The following FYB1 variants were observed in gnomAD, a reference collection of about 807,000 sequenced individuals.
FYB1 encodes FYN binding protein 1.
Under a neutral mutation model 94.1 loss-of-function variants are expected in FYB1, and 41 were observed. The observed-to-expected ratio is 0.44, with a 90% CI of 0.34 to 0.57. FYB1 has a LOEUF of 0.57. Ranked by LOEUF, FYB1 falls within the 20% of genes least tolerant of loss-of-function variation. The pLI, the probability that FYB1 is intolerant of heterozygous loss-of-function variation, is 0.02. For synonymous variants in FYB1, 367 were observed against 353.2 expected, an observed-to-expected ratio of 1.04 and a Z score of -0.44; for missense variants, 1,050 against 976.8, an observed-to-expected ratio of 1.07 and a Z score of -1.00.
chr5:39,220,315 G>A (rs932500304), upstream of FYB1, among the ~76,000 whole-genome samples: 4 of 151,742 alleles, frequency 2.6e-5, no homozygotes, highest in Non-Finnish European at 4.4e-5. Flanking sequence ...GGAAGCTGAG[G>A]TGGGAGGATT....
intron 1 of FYB1, among the ~76,000 whole-genome samples, chr5:39,230,528 T>C (rs1336145223): frequency 6.6e-6 from 1 of 152,122 alleles, no homozygotes; most frequent in African/African-American, 2.4e-5. Flanking sequence ...TCACAGCATA[T>C]ATATATGTAT....
At chr5:39,182,310 T>C (rs1312689664) in intron 2 of FYB1, among the ~76,000 whole-genome samples, 5 of 8,128 alleles carry the variant, frequency 6.2e-4, no homozygotes, top group Non-Finnish European at 1.7e-3. Context: ...TGTGTGTGTG[T>C]GTGTGTGTGT....
Position 39,273,947 on chromosome 5 carries a change from CAG to C in FYB1, c.-28+454_-28+455del, listed in dbSNP as rs921484812. On this transcript the variant is annotated intron_variant, in intron 1 of 1. Coordinates refer to the FYB1 transcript ENST00000510188. Reference sequence around the variant, plus strand: ...ATGCTTTTTTTTTTTCTTTTTGAGACAGAGTCTTGCTCTGTCCCCCAGGCTAG... The same window carrying C: ...ATGCTTTTTTTTTTTCTTTTTGAGACAGTCTTGCTCTGTCCCCCAGGCTAG... Among the ~76,000 whole-genome samples the C allele has an allele frequency of 9.9e-4, 149 of 151,206 alleles. 3 individuals carry two copies. The highest frequency in any genetic ancestry group is 3.4e-3 in the African/African-American group (141 of 41,174).
At chr5:39,263,747 G>A (rs1431031215) in intron 1 of FYB1, among the ~76,000 whole-genome samples, 1 of 152,128 alleles carries the variant, frequency 6.6e-6, no homozygotes, top group Non-Finnish European at 1.5e-5. Context: ...TAACTTGGAT[G>A]TAGTCAAATT....
intron 1 of FYB1, among the ~76,000 whole-genome samples, chr5:39,267,868 A>G (rs923651783): frequency 3.3e-5 from 5 of 152,226 alleles, no homozygotes; most frequent in African/African-American, 9.6e-5. Context: ...ATGCAAAATA[A>G]TCAGACAAAG....
At chr5:39,152,341 T>G (rs1156667298) in intron 3 of FYB1, among the ~76,000 whole-genome samples, 1 of 152,184 alleles carries the variant, frequency 6.6e-6, no homozygotes, top group African/African-American at 2.4e-5. Context: ...TTCCCTAAAT[T>G]GTAGTCATCA....
At chr5:39,180,972 C>T (rs1746170156) in intron 2 of FYB1, among the ~76,000 whole-genome samples, 1 of 152,152 alleles carries the variant, frequency 6.6e-6, no homozygotes, top group Admixed American at 6.5e-5. Context: ...GATTTGCTCA[C>T]TCAGCCAGTC....
intron 2 of FYB1, among the ~76,000 whole-genome samples, chr5:39,181,293 GT>G (rs1334764866): frequency 6.6e-6 from 1 of 152,196 alleles, no homozygotes; most frequent in Non-Finnish European, 1.5e-5. Flanking sequence ...AGCGTATATA[GT>G]ATACTTATAT....
intron 2 of FYB1, among the ~76,000 whole-genome samples, chr5:39,197,128 ATGTT>A (rs1294964633): frequency 6.6e-6 from 1 of 152,220 alleles, no homozygotes; most frequent in African/African-American, 2.4e-5. Flanking sequence ...TATTAGATGA[ATGTT>A]TGTTAATTTG....
chr5:39,185,894 G>A (rs1029145083), intron 2 of FYB1, among the ~76,000 whole-genome samples: 3 of 151,936 alleles, frequency 2.0e-5, no homozygotes, highest in East Asian at 1.9e-4. Flanking sequence ...AGGGACAGCC[G>A]GGCACTTTTG....
chr5:39,199,071 C>T (rs1159215336), intron 2 of FYB1, among the ~76,000 whole-genome samples: 2 of 151,484 alleles, frequency 1.3e-5, no homozygotes, highest in Admixed American at 6.6e-5. Context: ...ACTGTACGTA[C>T]AATATACCAC....
intron 1 of FYB1, among the ~76,000 whole-genome samples, chr5:39,257,950 A>G (rs886965180): frequency 6.6e-6 from 1 of 152,204 alleles, no homozygotes. Flanking sequence ...AAGCGTCTTT[A>G]GCTGTGTCTG....
At chr5:39,179,666 C>T (rs1156337251) in intron 2 of FYB1, among the ~76,000 whole-genome samples, 1 of 151,922 alleles carries the variant, frequency 6.6e-6, no homozygotes, top group African/African-American at 2.4e-5. Context: ...CTGCCTCAGC[C>T]TCCCAAGTAC....
intron 2 of FYB1, chr5:39,170,122 T>C (rs1359301725): frequency 1.2e-6 from 1 of 811,114 alleles, no homozygotes; most frequent in African/African-American, 1.7e-5. Context: ...TCAAATGTTA[T>C]CAGTTGCTGA....
chr5:39,138,649 A>C lies in FYB1; in HGVS notation c.1394+8T>G, dbSNP rs1311033448. 1 of 1,508,806 alleles carries C rather than the reference A, an allele frequency of 6.6e-7. No homozygotes were observed. The highest frequency in any genetic ancestry group is 1.4e-5 in the African/African-American group (1 of 72,394). 93.5% of individuals were successfully genotyped at this position (1,508,806 alleles called of 1,614,324 possible). On this transcript the variant is annotated splice_region_variant and intron_variant, in intron 6 of 18. Transcript: ENST00000512982. ...GAAAACTGTCATGGTAAAAAATGTA[A>C]TTCATACATGTCTTCATATGTTTCT...
At chr5:39,152,284 G>T (rs1230451685) in intron 3 of FYB1, among the ~76,000 whole-genome samples, 1 of 152,096 alleles carries the variant, frequency 6.6e-6, no homozygotes, top group Non-Finnish European at 1.5e-5. Flanking sequence ...GCATATTAAA[G>T]TTAAAAAATG....
At chr5:39,149,208 T>A (rs1196043600) in intron 3 of FYB1, among the ~76,000 whole-genome samples, 2 of 152,222 alleles carry the variant, frequency 1.3e-5, no homozygotes, top group Non-Finnish European at 1.5e-5. Flanking sequence ...TCTTTTACAC[T>A]CTTAAAACAT....
intron 2 of FYB1, among the ~76,000 whole-genome samples, chr5:39,188,540 C>CCTT (rs1747057931): frequency 1.4e-5 from 1 of 69,618 alleles, no homozygotes; most frequent in Non-Finnish European, 2.6e-5. Flanking sequence ...AACTACAGCA[C>CCTT]TTTTTTTTTT....
chr5:39,133,000 A>T (rs1429635819), intron 9 of FYB1, among the ~76,000 whole-genome samples: 1 of 152,212 alleles, frequency 6.6e-6, no homozygotes, highest in Admixed American at 6.5e-5. Context: ...GTTTTGGTAT[A>T]TGTTGCATAA....
Sources: allele counts gnomAD v4.1 joint callset (sites outside exome capture counted in the v4.1 genomes callset), GRCh38; gene constraint gnomAD v4.1.1; transcripts MANE v1.5; gene names NCBI Gene and HGNC (gene_info 2026-07-23, HGNC 2026-07-21).